The following TRIM59 variants were observed in gnomAD, a reference collection of about 807,000 sequenced individuals.
TRIM59 encodes tripartite motif containing 59, also known as tripartite motif-containing protein 59.
A neutral mutation model predicts 32.2 loss-of-function variants in TRIM59; 14 were observed. That is an observed-to-expected ratio of 0.43 (90% confidence interval 0.29 to 0.68). The LOEUF is 0.68. TRIM59 is among the 30% of genes least tolerant of loss of function. The pLI is 0.15. For synonymous variants in TRIM59, 163 were observed against 155.1 expected (o/e 1.05, Z -0.38); for missense variants, 471 against 463.3 (o/e 1.02, Z -0.15).
intron 2 of TRIM59, among the ~76,000 whole-genome samples, chr3:160,448,025 T>C (rs1577020943): frequency 6.6e-6 from 1 of 152,172 alleles, no homozygotes; most frequent in African/African-American, 2.4e-5. Flanking sequence ...TCACCTTAAC[T>C]TTTTCAAATT....
chr3:160,440,127 G>A (rs552845799), intron 2 of TRIM59, among the ~76,000 whole-genome samples: 72 of 152,208 alleles, frequency 4.7e-4, no homozygotes, highest in Middle Eastern at 3.4e-3. Flanking sequence ...ATACAAGAAC[G>A]CTTAAACCCC....
intron 2 of TRIM59, among the ~76,000 whole-genome samples, chr3:160,444,456 G>A (rs73875278): frequency 0.013 from 1,919 of 152,256 alleles, 33 homozygotes; most frequent in African/African-American, 0.044. Context: ...TAAACCAAAG[G>A]TCTCAGAATC....
Position 160,448,838 on chromosome 3 carries a change from G to A in TRIM59, c.-73-43C>T, listed in dbSNP as rs530110954. On this transcript the variant is annotated intron_variant, in intron 1 of 2. Transcript: ENST00000309784. ...TTATCTTTAATGTTTTCAATTTATT[G>A]TCTCATGTCATAAAAATGGTTGTTA... 216 of 1,038,480 alleles carry A rather than the reference G, an allele frequency of 2.1e-4. 1 individual carries two copies. The South Asian group carries it at 3.0e-3, about 15-fold the overall frequency. The allele number at this position is 1,038,480 out of a possible 1,614,324, so 64.3% of individuals were successfully genotyped here.
chr3:160,437,305 G>A lies in TRIM59; in HGVS notation c.*667C>T. The stretch of plus-strand genomic sequence containing the variant: ...GGTGGTCGAAACTGCAGTGAGTCAT[G>A]ACCAGACAACTACACTCCAGCCTGG... On this transcript the variant is annotated 3_prime_UTR_variant, in exon 3 of 3. Transcript: ENST00000309784. 1.1e-6 allele frequency: 1 copy of A among 915,672 alleles called. No individual in the cohort carries two copies. Among genetic ancestry groups the A allele is most frequent in the Non-Finnish European group, 1.3e-6 (1 of 766,708 alleles). 56.7% of individuals were successfully genotyped at this position (915,672 alleles called of 1,614,324 possible). A position where few individuals can be genotyped will look rare whatever the true frequency, so the allele number is the denominator to read the frequency against.
chr3:160,449,531 G>A, intron 1 of TRIM59, 186 bp downstream of exon 1: 5 of 1,251,194 alleles, frequency 4.0e-6, no homozygotes, highest in Non-Finnish European at 5.2e-6. Context: ...TGGAGGGACG[G>A]GAAAGTGGCT....
chr3:160,438,052 TGTTA>T lies in TRIM59; in HGVS notation c.1128_1131del (p.Asn377ValfsTer5), dbSNP rs763098226. 14 of 1,603,928 alleles carry T rather than the reference TGTTA, an allele frequency of 8.7e-6. No individual in the cohort carries two copies. Among genetic ancestry groups the T allele is most frequent in the Non-Finnish European group, 1.0e-5 (12 of 1,177,406 alleles). Reference sequence around the variant, plus strand: ...AGTATATTCTTTACCTTATGCAGACTGTTAGATAAACTTTGGTAAACAGATAGAG... The same window carrying T: ...AGTATATTCTTTACCTTATGCAGACTGATAAACTTTGGTAAACAGATAGAG... On this transcript the variant is annotated frameshift_variant, in exon 3 of 3. Transcript: ENST00000309784. LOFTEE classifies it high-confidence loss of function.
At position 160,438,647 on chromosome 3, in the gene TRIM59, T is replaced by C. The variant is rs1452187655; in HGVS notation, c.537A>G (p.Gln179=). Residue 179 remains glutamine, a synonymous_variant, in exon 3 of 3, where the codon CAA becomes CAG. Coordinates refer to ENST00000309784, the MANE Select transcript of TRIM59 (RefSeq NM_173084.3). The part of the protein sequence containing the change: ...EQKSHSEKMI[Q]GDKEAVLQYF... Reference sequence around the variant, plus strand: ...ACTGGAGAACAGCTTCCTTATCGCCTTGGATCATTTTCTCAGAATGAGATT... The same window carrying C: ...ACTGGAGAACAGCTTCCTTATCGCCCTGGATCATTTTCTCAGAATGAGATT... The C allele has an allele frequency of 2.5e-6, 4 of 1,613,164 alleles. No homozygotes were observed. Among genetic ancestry groups the C allele is most frequent in the Non-Finnish European group, 3.4e-6 (4 of 1,179,756 alleles).
At position 160,437,657 on chromosome 3, in the gene TRIM59, AT is replaced by A; in HGVS notation, c.*314del. ...TAAAGCCAATTAACTGCAGTATATA[AT>A]AATGGTAAAAGACAATATTGGTACA... On this transcript the variant is annotated 3_prime_UTR_variant, in exon 3 of 3. Coordinates refer to ENST00000309784, the MANE Select transcript of TRIM59 (RefSeq NM_173084.3). The A allele has an allele frequency of 9.8e-7, 1 of 1,016,794 alleles. No individual in the cohort carries two copies. The highest frequency in any genetic ancestry group is 1.2e-6 in the Non-Finnish European group (1 of 850,562). The allele number at this position is 1,016,794 out of a possible 1,614,324, so 63.0% of individuals were successfully genotyped here.
At chr3:160,449,611 C>G in intron 1 of TRIM59, 106 bp downstream of exon 1, 1 of 1,289,616 alleles carries the variant, frequency 7.8e-7, no homozygotes, top group Non-Finnish European at 1.0e-6. Flanking sequence ...TCGTCGCGCC[C>G]CCAGGACTCC....
At chr3:160,444,989 C>T (rs1719445502) in intron 2 of TRIM59, among the ~76,000 whole-genome samples, 2 of 151,928 alleles carry the variant, frequency 1.3e-5, no homozygotes, top group East Asian at 1.9e-4. Context: ...AACAGAAATA[C>T]TCTTCAGTAA....
chr3:160,438,092 A>G lies in TRIM59; in HGVS notation c.1092T>C (p.Phe364=). The part of the protein sequence containing the change: ...TFLSEITLIW[F]SEASLSVYQS... ...GGTAAACAGATAGAGAGGCTTCAGA[A>G]AACCATATTAAAGTGATTTCACTTA... The change falls in exon 3 of 3, where the codon TTT becomes TTC. Residue 364 remains phenylalanine, a synonymous_variant. Coordinates refer to ENST00000309784, the MANE Select transcript of TRIM59 (RefSeq NM_173084.3). 1 of 1,612,728 alleles carries G rather than the reference A, an allele frequency of 6.2e-7. No homozygotes were observed. The highest frequency in any genetic ancestry group is 8.5e-7 in the Non-Finnish European group (1 of 1,179,610).
intron 2 of TRIM59, among the ~76,000 whole-genome samples, chr3:160,441,852 A>T (rs1174500840): frequency 3.3e-5 from 5 of 152,228 alleles, no homozygotes; most frequent in Non-Finnish European, 1.5e-5. Context: ...ACAGAGACTA[A>T]GCTTGAACTG....
chr3:160,438,569 C>A lies in TRIM59; in HGVS notation c.615G>T (p.Thr205=). Residue 205 remains threonine, a synonymous_variant, in exon 3 of 3, where the codon ACG becomes ACT. Transcript: ENST00000309784. Reference sequence around the variant, plus strand: ...TTAGATTGCCAACATCACAGAGAGCCGTTAGGAAACTTTTTTTTTTCTGTT... The same window carrying A: ...TTAGATTGCCAACATCACAGAGAGCAGTTAGGAAACTTTTTTTTTTCTGTT... ...TLEQKKKSFL[T]ALCDVGNLIN... 1 of 1,610,858 alleles carries A rather than the reference C, an allele frequency of 6.2e-7. No individual in the cohort carries two copies. Among genetic ancestry groups the A allele is most frequent in the Non-Finnish European group, 8.5e-7 (1 of 1,179,292 alleles).
At position 160,439,093 on chromosome 3, in the gene TRIM59, T is replaced by C; in HGVS notation, c.91A>G (p.Arg31Gly). ...RVLPCSHTFC[R>G]NCLENILQAS... ...TGAAGAATGTTTTCCAAACAATTTC[T>C]ACAAAATGTATGAGAGCATGGCAGT... The change falls in exon 3 of 3, where the codon AGA becomes GGA. Residue 31 changes from arginine (R) to glycine (G), a missense_variant. Arg to Gly is a moderately radical substitution (Grantham distance 125). Transcript: ENST00000309784. 6.4e-7 allele frequency: 1 copy of C among 1,553,184 alleles called. No individual in the cohort carries two copies. The highest frequency in any genetic ancestry group is 8.7e-7 in the Non-Finnish European group (1 of 1,151,786).
Position 160,436,537 on chromosome 3 carries a change from G to A in TRIM59, c.*1435C>T, listed in dbSNP as rs1437848698. On this transcript the variant is annotated 3_prime_UTR_variant, in exon 3 of 3. Transcript: ENST00000309784. The stretch of plus-strand genomic sequence containing the variant: ...TGTTGGGCCGGGCGTGGCGGCTCAC[G>A]CCTATAATCCCAGCATTTTGGGAGG... 3.0e-5 allele frequency: 30 copies of A among 985,232 alleles called. No individual in the cohort carries two copies. The South Asian group carries it at 1.1e-3, about 37-fold the overall frequency. The allele number at this position is 985,232 out of a possible 1,614,324, so 61.0% of individuals were successfully genotyped here.
chr3:160,448,612 C>T (rs1368378003), intron 2 of TRIM59, 114 bp downstream of exon 2: 3 of 570,658 alleles, frequency 5.3e-6, no homozygotes, highest in Non-Finnish European at 8.3e-6. Flanking sequence ...TTTTATACAC[C>T]GCCAACACAA....
At chr3:160,442,311 A>C (rs1289507602) in intron 2 of TRIM59, among the ~76,000 whole-genome samples, 1 of 152,190 alleles carries the variant, frequency 6.6e-6, no homozygotes, top group African/African-American at 2.4e-5. Context: ...TGACATTGTA[A>C]AGCATATCCT....
chr3:160,446,376 C>T (rs980632164), intron 2 of TRIM59, among the ~76,000 whole-genome samples: 1 of 151,798 alleles, frequency 6.6e-6, no homozygotes, highest in Admixed American at 6.6e-5. Context: ...ATGTAAAATT[C>T]TAAATACAAT....
rs1417711640 is a variant in TRIM59, at chr3:160,436,551, CAT to C, written c.*1419_*1420del. The stretch of plus-strand genomic sequence containing the variant: ...TGGCGGCTCACGCCTATAATCCCAG[CAT>C]TTTGGGAGGCTGAGGCGAGTGGATC... On this transcript the variant is annotated 3_prime_UTR_variant, in exon 3 of 3. Transcript: ENST00000309784. The C allele has an allele frequency of 8.1e-6, 8 of 983,316 alleles. No homozygotes were observed. The highest frequency in any genetic ancestry group is 2.4e-6 in the Non-Finnish European group (2 of 828,028). 60.9% of individuals were successfully genotyped at this position (983,316 alleles called of 1,614,324 possible).
Sources: allele counts gnomAD v4.1 joint callset (sites outside exome capture counted in the v4.1 genomes callset), GRCh38; gene constraint gnomAD v4.1.1; transcripts MANE v1.5; gene names NCBI Gene and HGNC (gene_info 2026-07-23, HGNC 2026-07-21).